Variants in PLPPR5 observed in about 807,000 individuals in gnomAD.
The protein encoded by PLPPR5 is phospholipid phosphatase-related protein type 5.
Under a neutral mutation model 33.9 loss-of-function variants are expected in PLPPR5, and 16 were observed. That is an observed-to-expected ratio of 0.47 (90% confidence interval 0.32 to 0.72). The LOEUF (loss-of-function observed/expected upper bound fraction) is 0.72, where lower values mean the gene tolerates loss of function less well. Among genes scored for constraint, PLPPR5 ranks in the 30% least tolerant of loss-of-function variants. PLPPR5 has a pLI of 0.03. For synonymous variants in PLPPR5, 163 were observed against 150.3 expected (o/e 1.08, Z -0.62); for missense variants, 301 against 406.7 (o/e 0.74, Z 2.23).
At chr1:98,903,741 A>G (rs1648787658) in intron 5 of PLPPR5, among the ~76,000 whole-genome samples, 1 of 152,180 alleles carries the variant, frequency 6.6e-6, no homozygotes, top group Non-Finnish European at 1.5e-5. Flanking sequence ...TGTTAATTCC[A>G]ACAATTATCC....
intron 1 of PLPPR5, among the ~76,000 whole-genome samples, chr1:98,993,637 T>C (rs1297301165): frequency 6.6e-6 from 1 of 152,034 alleles, no homozygotes; most frequent in East Asian, 1.9e-4. Context: ...CATTTTAAAT[T>C]ACAAGATGAA....
chr1:98,935,527 T>C (rs565319422), intron 3 of PLPPR5, among the ~76,000 whole-genome samples: 1 of 152,244 alleles, frequency 6.6e-6, no homozygotes, highest in South Asian at 2.1e-4. Context: ...CAATAGAAAG[T>C]ACCCAATAAG....
intron 1 of PLPPR5, among the ~76,000 whole-genome samples, chr1:98,998,502 A>G (rs1363380522): frequency 2.6e-5 from 4 of 152,194 alleles, no homozygotes; most frequent in African/African-American, 9.7e-5. Context: ...CCACCCATTG[A>G]AATCATCATC....
At chr1:98,942,614 A>G (rs994439017) in intron 3 of PLPPR5, among the ~76,000 whole-genome samples, 1 of 151,836 alleles carries the variant, frequency 6.6e-6, no homozygotes, top group Admixed American at 6.6e-5. Context: ...GATGGTAAAA[A>G]CTCCCTGCTG....
chr1:98,921,807 C>G lies in PLPPR5; in HGVS notation c.798+75G>C, dbSNP rs748542488. Reference sequence around the variant, plus strand: ...CTACATTTAGACAAACCCAGTGATTCACACTTGTATTTTCTCATGGTGATT... The same window carrying G: ...CTACATTTAGACAAACCCAGTGATTGACACTTGTATTTTCTCATGGTGATT... On this transcript the variant is annotated intron_variant, in intron 4 of 5. Transcript: ENST00000263177. 181 of 1,216,418 alleles carry G rather than the reference C, an allele frequency of 1.5e-4. 1 individual carries two copies. The highest frequency in any genetic ancestry group is 4.0e-4 in the Middle Eastern group (2 of 5,060). The allele number at this position is 1,216,418 out of a possible 1,614,324, so 75.4% of individuals were successfully genotyped here.
Position 99,004,756 on chromosome 1 carries a change from G to C in PLPPR5, c.-85C>G, listed in dbSNP as rs1387147670. ...TCCCCGGTCCGCCGAGGCAGCCACC[G>C]GGGGCGCGGCGGCGGAGGCGGCGGG... is the stretch of plus-strand genomic sequence containing the variant. On this transcript the variant is annotated 5_prime_UTR_variant, in exon 1 of 6. Coordinates refer to ENST00000263177, the MANE Select transcript of PLPPR5 (RefSeq NM_001037317.2). 3.2e-6 allele frequency: 3 copies of C among 927,810 alleles called. No homozygotes were observed. Among genetic ancestry groups the C allele is most frequent in the African/African-American group, 1.8e-5 (1 of 56,944 alleles). The allele number at this position is 927,810 out of a possible 1,614,324, so 57.5% of individuals were successfully genotyped here. A position where few individuals can be genotyped will look rare whatever the true frequency, so the allele number is the denominator to read the frequency against.
At chr1:98,931,255 G>A (rs573107552) in intron 3 of PLPPR5, among the ~76,000 whole-genome samples, 7 of 152,010 alleles carry the variant, frequency 4.6e-5, no homozygotes, top group Admixed American at 1.3e-4. Context: ...TAACCTCAGC[G>A]CCTGGTATGG....
chr1:98,942,233 T>C (rs2987953), intron 3 of PLPPR5, among the ~76,000 whole-genome samples: 142,526 of 152,200 alleles, frequency 0.94, 66,824 homozygotes, highest in East Asian at 1. Flanking sequence ...CACTGCCTGG[T>C]TAATATTTTT....
At chr1:98,974,533 C>G (rs1651778553) in intron 1 of PLPPR5, among the ~76,000 whole-genome samples, 1 of 151,940 alleles carries the variant, frequency 6.6e-6, no homozygotes, top group Admixed American at 6.6e-5. Context: ...ATCACAGGTC[C>G]TTCATCCTGT....
In PLPPR5 at chr1:98,999,354, C is replaced by T. The variant is rs145013693; in HGVS notation, c.237+5081G>A. 1.1e-3 allele frequency among the ~76,000 whole-genome samples: 167 copies of T among 152,170 alleles called. 3 individuals carry two copies. Among genetic ancestry groups the T allele is most frequent in the African/African-American group, 3.9e-3 (161 of 41,518 alleles). On this transcript the variant is annotated intron_variant, in intron 1 of 5. Transcript: ENST00000263177. The stretch of plus-strand genomic sequence containing the variant: ...TACCTCAATTTTACAATAGAGAAAA[C>T]GGAGGCATGGAGAGGCTAACTGGCT...
chr1:98,914,700 T>C (rs1649276080), intron 5 of PLPPR5, 86 bp downstream of exon 5: 1 of 1,211,630 alleles, frequency 8.3e-7, no homozygotes, highest in Non-Finnish European at 1.1e-6. Flanking sequence ...CAACATAAAC[T>C]GTGTGGACAT....
chr1:98,927,035 C>T (rs1377345370), intron 3 of PLPPR5, among the ~76,000 whole-genome samples: 1 of 152,138 alleles, frequency 6.6e-6, no homozygotes, highest in South Asian at 2.1e-4. Context: ...CCAGACAGAC[C>T]TGTGTTCACT....
chr1:98,926,897 A>G (rs1008625288), intron 3 of PLPPR5, among the ~76,000 whole-genome samples: 1 of 152,228 alleles, frequency 6.6e-6, no homozygotes, highest in African/African-American at 2.4e-5. Context: ...ATGTCCTGAA[A>G]GTTTTATTTA....
intron 3 of PLPPR5, among the ~76,000 whole-genome samples, chr1:98,925,797 A>C (rs1382599957): frequency 5.9e-5 from 9 of 152,238 alleles, no homozygotes; most frequent in Admixed American, 5.9e-4. Context: ...AAGAATGAGC[A>C]TGAGAGTTCC....
At chr1:98,985,878 A>G (rs1184409521) in intron 1 of PLPPR5, among the ~76,000 whole-genome samples, 1 of 152,058 alleles carries the variant, frequency 6.6e-6, no homozygotes, top group Admixed American at 6.6e-5. Context: ...AAATCACCTA[A>G]CAATACATTT....
In PLPPR5 at chr1:99,004,680, C is replaced by T. The variant is rs370356038; in HGVS notation, c.-9G>A. The T allele has an allele frequency of 1.3e-4, 207 of 1,588,068 alleles. No individual in the cohort carries two copies. Among genetic ancestry groups the T allele is most frequent in the Non-Finnish European group, 1.7e-4 (197 of 1,168,420 alleles). ...GCGGGCAGCAGGGGCATGCACGCCTCCCGGGCCGGGCCGAGCCGAGCCGAG... is the reference window on the plus strand; with the variant it reads ...GCGGGCAGCAGGGGCATGCACGCCTTCCGGGCCGGGCCGAGCCGAGCCGAG... On this transcript the variant is annotated 5_prime_UTR_variant, in exon 1 of 6. Coordinates refer to ENST00000263177, the MANE Select transcript of PLPPR5 (RefSeq NM_001037317.2).
intron 3 of PLPPR5, among the ~76,000 whole-genome samples, chr1:98,951,765 T>A (rs1650792569): frequency 6.6e-6 from 1 of 152,184 alleles, no homozygotes; most frequent in South Asian, 2.1e-4. Context: ...CTTTTAGAAA[T>A]AACATGATTG....
intron 1 of PLPPR5, among the ~76,000 whole-genome samples, chr1:98,996,459 G>A (rs1046118236): frequency 2.0e-5 from 3 of 151,998 alleles, no homozygotes. Context: ...AACTACATCT[G>A]TCATAATAAG....
At chr1:98,953,783 T>C (rs975795965) in intron 2 of PLPPR5, among the ~76,000 whole-genome samples, 4 of 152,202 alleles carry the variant, frequency 2.6e-5, no homozygotes, top group African/African-American at 9.6e-5. Context: ...CCATTCAGAC[T>C]GATGTTAACG....
Sources: allele counts gnomAD v4.1 joint callset (sites outside exome capture counted in the v4.1 genomes callset), GRCh38; gene constraint gnomAD v4.1.1; transcripts MANE v1.5; gene names NCBI Gene and HGNC (gene_info 2026-07-23, HGNC 2026-07-21).